The following FANCC variants were observed in gnomAD, a reference collection of about 807,000 sequenced individuals.
The protein encoded by FANCC is Fanconi anemia group C protein.
A neutral mutation model predicts 71.3 loss-of-function variants in FANCC; 55 were observed. The ratio of observed to expected loss-of-function variants is 0.77; its 90% CI spans 0.62 to 0.97. The LOEUF is 0.97. Ranked by LOEUF, FANCC falls within the 50% of genes least tolerant of loss-of-function variation. FANCC has a pLI of 0.00. For missense variants in FANCC, 678 were observed against 670.9 expected (o/e 1.01, Z -0.12); for synonymous variants, 275 against 244.9 (o/e 1.12, Z -1.15).
At chr9:95,146,460 C>T (rs1393967482) in intron 7 of FANCC, among the ~76,000 whole-genome samples, 1 of 108,240 alleles carries the variant, frequency 9.2e-6, no homozygotes, top group Non-Finnish European at 1.7e-5. Flanking sequence ...TGCACTCCAG[C>T]CTATGTGACA....
intron 3 of FANCC, 58 bp downstream of exon 3, chr9:95,247,374 G>T: frequency 7.9e-7 from 1 of 1,263,264 alleles, no homozygotes; most frequent in South Asian, 1.2e-5. Context: ...GTAAGCCTCT[G>T]TGAAACAATG....
intron 7 of FANCC, among the ~76,000 whole-genome samples, chr9:95,139,132 G>T (rs1322972891): frequency 6.6e-6 from 1 of 152,184 alleles, no homozygotes; most frequent in Non-Finnish European, 1.5e-5. Context: ...TCTGAACCAG[G>T]CTGGCTTTAA....
At chr9:95,113,393 T>G (rs190225546) in intron 12 of FANCC, among the ~76,000 whole-genome samples, 1 of 152,198 alleles carries the variant, frequency 6.6e-6, no homozygotes, top group Non-Finnish European at 1.5e-5. Flanking sequence ...AATTATACTC[T>G]GAAAGAGGAA....
intron 1 of FANCC, among the ~76,000 whole-genome samples, chr9:95,271,080 C>A (rs1832685292): frequency 6.6e-6 from 1 of 152,038 alleles, no homozygotes; most frequent in South Asian, 2.1e-4. Context: ...CAGAGGGGAC[C>A]CTTGACAATG....
At chr9:95,215,351 G>C (rs1288801766) in intron 4 of FANCC, among the ~76,000 whole-genome samples, 1 of 152,102 alleles carries the variant, frequency 6.6e-6, no homozygotes. Context: ...GGAAGAAGGT[G>C]GTAGGAGAGG....
chr9:95,314,347 T>C (rs149092750), intron 1 of FANCC, among the ~76,000 whole-genome samples: 53 of 152,350 alleles, frequency 3.5e-4, no homozygotes, highest in African/African-American at 1.1e-3. Context: ...CTTTATTCCT[T>C]TGCTTTCTTA....
intron 4 of FANCC, among the ~76,000 whole-genome samples, chr9:95,240,173 G>T (rs1830553756): frequency 6.6e-6 from 1 of 152,210 alleles, no homozygotes; most frequent in Non-Finnish European, 1.5e-5. Flanking sequence ...CCAAGATCCA[G>T]TCTGTGCATA....
chr9:95,246,647 C>T (rs537728068), intron 3 of FANCC, among the ~76,000 whole-genome samples: 10 of 152,128 alleles, frequency 6.6e-5, no homozygotes, highest in African/African-American at 2.4e-4. Flanking sequence ...GGGCATCAGA[C>T]AGTGAAGTAA....
At chr9:95,147,222 A>C (rs1829683378) in intron 7 of FANCC, among the ~76,000 whole-genome samples, 1 of 152,236 alleles carries the variant, frequency 6.6e-6, no homozygotes, top group African/African-American at 2.4e-5. Flanking sequence ...TGTTTCATCA[A>C]GAAAAGATGA....
intron 6 of FANCC, among the ~76,000 whole-genome samples, chr9:95,168,833 T>C (rs1825478135): frequency 6.6e-6 from 1 of 152,222 alleles, no homozygotes; most frequent in Admixed American, 6.5e-5. Flanking sequence ...CTGGCCTAAA[T>C]TGTGTACTGT....
chr9:95,101,766 T>A lies in FANCC; in HGVS notation c.1618A>T (p.Ser540Cys). 1.2e-6 allele frequency: 2 copies of A among 1,614,148 alleles called. No homozygotes were observed. Among genetic ancestry groups the A allele is most frequent in the Non-Finnish European group, 1.7e-6 (2 of 1,180,034 alleles). The change falls in exon 15 of 15, where the codon AGC becomes TGC. Residue 540 changes from serine to cysteine, a missense_variant. Ser to Cys is a moderately radical substitution (Grantham distance 112). Transcript: ENST00000289081. ...CGGGCCAGTTTTTCTGATCTAGGGCTTTCAATGCCAAGACGATTCCATCTG... is the reference window on the plus strand; with the variant it reads ...CGGGCCAGTTTTTCTGATCTAGGGCATTCAATGCCAAGACGATTCCATCTG... ...LYRWNRLGIE[S>C]PRSEKLAREL...
At chr9:95,313,161 G>A (rs916696277) in intron 1 of FANCC, among the ~76,000 whole-genome samples, 2 of 152,204 alleles carry the variant, frequency 1.3e-5, no homozygotes, top group African/African-American at 4.8e-5. Context: ...ACACGCCTGG[G>A]AACAGGTGCT....
intron 6 of FANCC, among the ~76,000 whole-genome samples, chr9:95,161,163 G>A (rs1252510548): frequency 1.3e-5 from 2 of 152,006 alleles, no homozygotes; most frequent in Admixed American, 1.3e-4. Flanking sequence ...AAGGAACAGG[G>A]GGCAACCTGA....
chr9:95,304,872 G>T (rs1233963559), intron 1 of FANCC, among the ~76,000 whole-genome samples: 1 of 151,692 alleles, frequency 6.6e-6, no homozygotes, highest in Non-Finnish European at 1.5e-5. Flanking sequence ...TCTGAAAAAG[G>T]TATCACCATA....
rs145305094 is a variant in FANCC at position 95,164,644 on chromosome 9, TTTCA to T, written c.521+6431_521+6434del. ...GCCATCCTTGTATTCAAGGAATAAT[TTTCA>T]TTCAGTCATGGTGTTTATACATATC... On this transcript the variant is annotated intron_variant, in intron 6 of 14. Transcript: ENST00000289081. 8.8e-3 allele frequency among the ~76,000 whole-genome samples: 1,336 copies of T among 152,302 alleles called. 22 individuals carry two copies. Among genetic ancestry groups the T allele is most frequent in the African/African-American group, 0.031 (1,273 of 41,568 alleles).
At chr9:95,274,414 C>T (rs1396620358) in intron 1 of FANCC, among the ~76,000 whole-genome samples, 1 of 152,130 alleles carries the variant, frequency 6.6e-6, no homozygotes, top group Non-Finnish European at 1.5e-5. Context: ...TTTCTTTATC[C>T]AGTCTATCAT....
At chr9:95,174,653 T>C (rs1271851141) in intron 4 of FANCC, among the ~76,000 whole-genome samples, 2 of 152,210 alleles carry the variant, frequency 1.3e-5, no homozygotes, top group African/African-American at 4.8e-5. Context: ...TTTGGAAATA[T>C]TTGATCTTTA....
At chr9:95,176,707 A>G (rs1032758386) in intron 4 of FANCC, among the ~76,000 whole-genome samples, 3 of 152,284 alleles carry the variant, frequency 2.0e-5, no homozygotes, top group East Asian at 3.8e-4. Flanking sequence ...CTGTTATTGT[A>G]TATCACAATC....
chr9:95,164,335 A>G (rs945425079), intron 6 of FANCC, among the ~76,000 whole-genome samples: 4 of 152,134 alleles, frequency 2.6e-5, no homozygotes, highest in African/African-American at 9.7e-5. Flanking sequence ...TATTAAATAC[A>G]AGTGGTAAGA....
Sources: gnomAD v4.1 joint callset for allele counts (sites outside exome capture counted in the v4.1 genomes callset) on GRCh38, gnomAD v4.1.1 for gene constraint, MANE v1.5 for transcripts, NCBI Gene and HGNC (gene_info 2026-07-23, HGNC 2026-07-21) for gene names.